RGL1: variants seen among roughly 807,000 people sequenced by gnomAD.
The protein encoded by RGL1 is ral guanine nucleotide dissociation stimulator-like 1.
A neutral mutation model predicts 95.2 loss-of-function variants in RGL1; 24 were observed. That is an observed-to-expected ratio of 0.25 (90% CI 0.18 to 0.35). The LOEUF is 0.35. RGL1 is among the 10% of genes least tolerant of loss of function. The pLI is 1.00. For synonymous variants in RGL1, 329 were observed against 344.9 expected (o/e 0.95, Z 0.51); for missense variants, 715 against 936.3 (o/e 0.76, Z 3.08).
chr1:183,799,628 CCT>C (rs1660881985), intron 2 of RGL1, among the ~76,000 whole-genome samples: 1 of 152,154 alleles, frequency 6.6e-6, no homozygotes, highest in Admixed American at 6.5e-5. Flanking sequence ...GTTCAAGTCC[CCT>C]GTCTCATTTT....
At chr1:183,844,036 G>C (rs1664250887) in intron 2 of RGL1, among the ~76,000 whole-genome samples, 1 of 147,726 alleles carries the variant, frequency 6.8e-6, no homozygotes, top group African/African-American at 2.6e-5. Context: ...ATGTTGGCCA[G>C]GCTGTTCTTG....
At chr1:183,850,451 A>C (rs1664765972) in intron 3 of RGL1, among the ~76,000 whole-genome samples, 1 of 152,248 alleles carries the variant, frequency 6.6e-6, no homozygotes, top group Non-Finnish European at 1.5e-5. Flanking sequence ...TATTGACAAT[A>C]GTGGGTTTTC....
At chr1:183,642,588 A>T (rs1218389442) in intron 1 of RGL1, among the ~76,000 whole-genome samples, 2 of 152,216 alleles carry the variant, frequency 1.3e-5, no homozygotes, top group Non-Finnish European at 2.9e-5. Flanking sequence ...TATGAACCTA[A>T]AAAAACCTTG....
intron 2 of RGL1, among the ~76,000 whole-genome samples, chr1:183,828,113 A>G (rs1662999882): frequency 6.6e-6 from 1 of 152,224 alleles, no homozygotes; most frequent in African/African-American, 2.4e-5. Context: ...GGAGAGGAGA[A>G]TGCATTTTTG....
At chr1:183,834,394 T>C (rs1663486157) in intron 2 of RGL1, among the ~76,000 whole-genome samples, 1 of 152,130 alleles carries the variant, frequency 6.6e-6, no homozygotes, top group African/African-American at 2.4e-5. Flanking sequence ...CCTTCATTTT[T>C]TCCTGACTGC....
intron 2 of RGL1, among the ~76,000 whole-genome samples, chr1:183,785,726 C>A (rs1000016091): frequency 2.0e-5 from 3 of 152,142 alleles, no homozygotes; most frequent in Non-Finnish European, 1.5e-5. Context: ...TCATCAAGAA[C>A]GTAATTTGTG....
intron 2 of RGL1, among the ~76,000 whole-genome samples, chr1:183,839,781 A>G (rs1663913120): frequency 6.6e-6 from 1 of 152,058 alleles, no homozygotes; most frequent in Admixed American, 6.5e-5. Context: ...CCTCTGTCAT[A>G]TTGTTTATGC....
intron 1 of RGL1, among the ~76,000 whole-genome samples, chr1:183,725,337 C>T (rs555959161): frequency 4.6e-5 from 7 of 152,234 alleles, no homozygotes; most frequent in Non-Finnish European, 8.8e-5. Flanking sequence ...GTTTAATTGA[C>T]GGTTCTGCAT....
chr1:183,684,841 G>T (rs914683281), intron 1 of RGL1, among the ~76,000 whole-genome samples: 2 of 152,196 alleles, frequency 1.3e-5, no homozygotes, highest in Non-Finnish European at 2.9e-5. Flanking sequence ...GCTAGGGGAA[G>T]GAGTTCCCTG....
Position 183,805,124 on chromosome 1 carries a change from C to A in RGL1, c.-174C>A. The A allele has an allele frequency of 1.3e-6, 1 of 775,914 alleles. No individual in the cohort carries two copies. Among genetic ancestry groups the A allele is most frequent in the Non-Finnish European group, 1.8e-6 (1 of 557,766 alleles). The allele number at this position is 775,914 out of a possible 1,614,324, so 48.1% of individuals were successfully genotyped here. On this transcript the variant is annotated 5_prime_UTR_variant, in exon 1 of 18. Coordinates refer to ENST00000360851, the MANE Select transcript of RGL1 (RefSeq NM_001297671.3). ...CTCGCTCGCCGCGCTCCCTTTGTGGCCCGAGTCGCGCGCACCGGCGGCGGC... is the reference window on the plus strand; with the variant it reads ...CTCGCTCGCCGCGCTCCCTTTGTGGACCGAGTCGCGCGCACCGGCGGCGGC...
At chr1:183,783,687 T>C (rs1399475303) in intron 2 of RGL1, among the ~76,000 whole-genome samples, 1 of 152,198 alleles carries the variant, frequency 6.6e-6, no homozygotes, top group African/African-American at 2.4e-5. Flanking sequence ...GATATTTATA[T>C]TCTTAGGGAA....
At chr1:183,655,647 T>C (rs1432876661) in intron 1 of RGL1, among the ~76,000 whole-genome samples, 1 of 151,802 alleles carries the variant, frequency 6.6e-6, no homozygotes, top group African/African-American at 2.4e-5. Flanking sequence ...GCTCGGGGGG[T>C]TATAAACAAG....
intron 7 of RGL1, among the ~76,000 whole-genome samples, chr1:183,887,747 G>A (rs1450232003): frequency 6.6e-6 from 1 of 152,068 alleles, no homozygotes; most frequent in Non-Finnish European, 1.5e-5. Flanking sequence ...GTTTAAATAG[G>A]GAGCCTCTCT....
At position 183,760,333 on chromosome 1, in the gene RGL1, A is replaced by G. The variant is rs548565416; in HGVS notation, c.132+18044A>G. Among the ~76,000 whole-genome samples the G allele has an allele frequency of 1.1e-4, 17 of 152,334 alleles. No individual in the cohort carries two copies. The South Asian group carries it at 3.3e-3, about 30-fold the overall frequency. ...GTGGCTGTGTTTCTTAAAATAAGAC[A>G]TTAATGAAGTTTGTCATATCCATTG... On this transcript the variant is annotated intron_variant, in intron 2 of 18. Coordinates refer to the RGL1 transcript ENST00000304685.
intron 1 of RGL1, among the ~76,000 whole-genome samples, chr1:183,680,836 T>A (rs923846164): frequency 1.3e-5 from 2 of 152,226 alleles, no homozygotes; most frequent in East Asian, 1.9e-4. Flanking sequence ...CATTTGTTTG[T>A]GTCCTCTCTT....
At chr1:183,873,225 A>G (rs1351925568) in intron 4 of RGL1, among the ~76,000 whole-genome samples, 1 of 152,232 alleles carries the variant, frequency 6.6e-6, no homozygotes, top group Non-Finnish European at 1.5e-5. Context: ...TCTTTTAGAA[A>G]GGAAAACAGA....
intron 1 of RGL1, among the ~76,000 whole-genome samples, chr1:183,658,615 C>T (rs1651371622): frequency 6.6e-6 from 1 of 152,086 alleles, no homozygotes; most frequent in Admixed American, 6.5e-5. Context: ...TCTGTAGGCT[C>T]CACCTCTGGG....
At chr1:183,877,607 G>A (rs1316315407) in intron 4 of RGL1, among the ~76,000 whole-genome samples, 1 of 152,118 alleles carries the variant, frequency 6.6e-6, no homozygotes, top group Admixed American at 6.5e-5. Context: ...GTGTTCTATT[G>A]TGCTGTTTGT....
At chr1:183,784,072 G>C (rs766859693) in intron 2 of RGL1, among the ~76,000 whole-genome samples, 2 of 152,212 alleles carry the variant, frequency 1.3e-5, no homozygotes, top group Non-Finnish European at 2.9e-5. Context: ...CATAGCTACA[G>C]ATAATTGTTA....
Sources: allele counts gnomAD v4.1 joint callset (sites outside exome capture counted in the v4.1 genomes callset), GRCh38; gene constraint gnomAD v4.1.1; transcripts MANE v1.5; gene names NCBI Gene and HGNC (gene_info 2026-07-23, HGNC 2026-07-21).